Variants in ECT2 observed in about 807,000 individuals in gnomAD.
ECT2 encodes epithelial cell transforming 2.
A neutral mutation model predicts 116.9 loss-of-function variants in ECT2; 61 were observed. The observed-to-expected ratio is 0.52, with a 90% CI of 0.42 to 0.65. The LOEUF is 0.65. ECT2 is among the 30% of genes least tolerant of loss of function. The pLI is 0.00. For missense variants in ECT2, 937 were observed against 1,078.7 expected, an observed-to-expected ratio of 0.87 and a Z score of 1.84; for synonymous variants, 358 against 346.4, an observed-to-expected ratio of 1.03 and a Z score of -0.37.
At chr3:172,790,231 T>C (rs1428512706) in intron 18 of ECT2, among the ~76,000 whole-genome samples, 1 of 152,210 alleles carries the variant, frequency 6.6e-6, no homozygotes, top group Admixed American at 6.5e-5. Flanking sequence ...AGGTTTTCTT[T>C]TTCTTTCTTT....
chr3:172,816,450 T>G (rs767212612), intron 23 of ECT2, among the ~76,000 whole-genome samples: 4 of 152,028 alleles, frequency 2.6e-5, no homozygotes, highest in Non-Finnish European at 5.9e-5. Flanking sequence ...AGAACTTAGG[T>G]CTCTTCTCTC....
At chr3:172,760,712 CTTTTTT>C (rs60727631) in intron 7 of ECT2, among the ~76,000 whole-genome samples, 3 of 76,192 alleles carry the variant, frequency 3.9e-5, no homozygotes, top group East Asian at 3.8e-4. Context: ...GTCTAAGTGC[CTTTTTT>C]TTTTTTTTTT....
intron 14 of ECT2, among the ~76,000 whole-genome samples, chr3:172,775,609 A>G (rs1192470010): frequency 6.6e-6 from 1 of 151,946 alleles, no homozygotes; most frequent in African/African-American, 2.4e-5. Context: ...AGCAGAATGG[A>G]AGGTCAAGTA....
At chr3:172,812,145 G>A (rs918381955) in intron 22 of ECT2, among the ~76,000 whole-genome samples, 2 of 151,958 alleles carry the variant, frequency 1.3e-5, no homozygotes, top group Admixed American at 6.6e-5. Flanking sequence ...GACCATGCCC[G>A]GCTAATTTTT....
chr3:172,805,707 T>C, intron 20 of ECT2, 24 bp from the exon 21 acceptor site: 1 of 1,608,570 alleles, frequency 6.2e-7, no homozygotes, highest in Non-Finnish European at 8.5e-7. Flanking sequence ...TATTGACTGA[T>C]ACTTTTTTAT....
chr3:172,813,579 T>G (rs1729153161), intron 22 of ECT2, among the ~76,000 whole-genome samples: 1 of 152,130 alleles, frequency 6.6e-6, no homozygotes, highest in Non-Finnish European at 1.5e-5. Flanking sequence ...TGTGGTAGAA[T>G]ATACATAACA....
chr3:172,767,718 G>T (rs958876667), intron 12 of ECT2, among the ~76,000 whole-genome samples: 9 of 145,968 alleles, frequency 6.2e-5, no homozygotes, highest in East Asian at 1.9e-4. Context: ...ATAGATATGT[G>T]TATAGATTTT....
intron 2 of ECT2, 81 bp from the exon 3 acceptor site, chr3:172,755,214 A>G: frequency 9.5e-7 from 1 of 1,047,696 alleles, no homozygotes; most frequent in South Asian, 1.7e-5. Flanking sequence ...TACATACTAG[A>G]TATAGCCAAA....
chr3:172,789,963 T>C (rs1352646643), intron 18 of ECT2, among the ~76,000 whole-genome samples: 2 of 152,168 alleles, frequency 1.3e-5, no homozygotes, highest in African/African-American at 4.8e-5. Context: ...TTCCAAACTA[T>C]TAATGTCGAT....
At chr3:172,755,966 G>A (rs866679485) in intron 4 of ECT2, among the ~76,000 whole-genome samples, 2 of 152,222 alleles carry the variant, frequency 1.3e-5, no homozygotes, top group Non-Finnish European at 2.9e-5. Context: ...ATTAAGGTGT[G>A]TGTAGGTTTA....
chr3:172,765,413 T>C (rs535623653), intron 12 of ECT2, among the ~76,000 whole-genome samples: 1 of 152,330 alleles, frequency 6.6e-6, no homozygotes, highest in South Asian at 2.1e-4. Context: ...AGCATTTGTA[T>C]GCTGATGACT....
At position 172,762,420 on chromosome 3, in the gene ECT2, T is replaced by G; in HGVS notation, c.763T>G (p.Phe255Val). Residue 255 changes from phenylalanine (F) to valine (V), a missense_variant, in exon 9 of 25, where the codon TTC becomes GTC. By Grantham distance (50) the Phe-to-Val change is conservative. Coordinates refer to ENST00000392692, the MANE Select transcript of ECT2 (RefSeq NM_001258315.2). ...KAWERRNEQD[F>V]YAAVDDFRNE... ...AAGAGTGTATTTTGTTTTTAGGGAT[T>G]TCTATGCAGCAGTTGATGACTTTAG... 6.3e-7 allele frequency: 1 copy of G among 1,593,510 alleles called. No individual in the cohort carries two copies. Among genetic ancestry groups the G allele is most frequent in the South Asian group, 1.1e-5 (1 of 87,398 alleles).
chr3:172,761,917 A>G (rs1346020065), intron 8 of ECT2, among the ~76,000 whole-genome samples: 4 of 152,104 alleles, frequency 2.6e-5, no homozygotes, highest in Admixed American at 6.5e-5. Flanking sequence ...GGCTATTATA[A>G]ACATTCTGAA....
intron 18 of ECT2, among the ~76,000 whole-genome samples, chr3:172,789,200 T>C (rs1426514112): frequency 6.7e-6 from 1 of 149,720 alleles, no homozygotes; most frequent in Non-Finnish European, 1.5e-5. Context: ...TGGTAATTGC[T>C]TCTCTCTCTC....
intron 14 of ECT2, among the ~76,000 whole-genome samples, chr3:172,778,344 T>G (rs1722104792): frequency 6.6e-6 from 1 of 152,134 alleles, no homozygotes; most frequent in South Asian, 2.1e-4. Flanking sequence ...TGTCCTAAAT[T>G]GTATCGGGCA....
intron 18 of ECT2, among the ~76,000 whole-genome samples, chr3:172,790,028 C>T (rs1724369174): frequency 1.3e-5 from 2 of 151,700 alleles, no homozygotes; most frequent in South Asian, 2.1e-4. Flanking sequence ...TTATTTGTGC[C>T]TTCTTCTTGG....
intron 17 of ECT2, 44 bp downstream of exon 17, chr3:172,784,847 G>T: frequency 1.7e-6 from 2 of 1,193,610 alleles, no homozygotes; most frequent in Non-Finnish European, 2.3e-6. Flanking sequence ...TATTTTAATG[G>T]AATTGTTTTT....
chr3:172,776,149 G>A (rs1261389453), intron 14 of ECT2, among the ~76,000 whole-genome samples: 1 of 147,846 alleles, frequency 6.8e-6, no homozygotes, highest in African/African-American at 2.5e-5. Context: ...AATTCTTTAA[G>A]CTTCTTTTTT....
intron 20 of ECT2, among the ~76,000 whole-genome samples, chr3:172,805,194 C>T (rs1251976944): frequency 2.0e-5 from 3 of 149,602 alleles, no homozygotes; most frequent in African/African-American, 7.7e-5. Flanking sequence ...TTCTTAATGA[C>T]AGATTATGTT....
Sources: allele counts gnomAD v4.1 joint callset (sites outside exome capture counted in the v4.1 genomes callset), GRCh38; gene constraint gnomAD v4.1.1; transcripts MANE v1.5; gene names NCBI Gene and HGNC (gene_info 2026-07-23, HGNC 2026-07-21).